The following UGT1A7 variants were observed in gnomAD, a reference collection of about 807,000 sequenced individuals.
UGT1A7 encodes the protein UDP glucuronosyltransferase family 1 member A7, also known as UDP-glucuronosyltransferase 1A7.
Under a neutral mutation model 45.6 loss-of-function variants are expected in UGT1A7, and 33 were observed. The ratio of observed to expected loss-of-function variants is 0.72; its 90% CI spans 0.55 to 0.97. UGT1A7 has a LOEUF of 0.97. UGT1A7 is among the 50% of genes least tolerant of loss of function. UGT1A7 has a pLI of 0.00. For missense variants in UGT1A7, 684 were observed against 666.2 expected (o/e 1.03, Z -0.29); for synonymous variants, 274 against 250.6 (o/e 1.09, Z -0.88).
At chr2:233,719,514 G>C (rs1307171724) in intron 1 of UGT1A7, 1 of 1,613,804 alleles carries the variant, frequency 6.2e-7, no homozygotes, top group Non-Finnish European at 8.5e-7. Context: ...TGCCCCTTAT[G>C]CAAGTCTTGC....
At chr2:233,714,881 T>G (rs1441745966) in intron 1 of UGT1A7, among the ~76,000 whole-genome samples, 1 of 150,308 alleles carries the variant, frequency 6.7e-6, no homozygotes, top group East Asian at 2.0e-4. Flanking sequence ...ATCTTTTAAA[T>G]TTTTCTATCT....
At chr2:233,693,126 G>A (rs1417755680) in intron 1 of UGT1A7, 9 of 1,614,224 alleles carry the variant, frequency 5.6e-6, no homozygotes, top group South Asian at 3.3e-5. Context: ...CACTGGCTTA[G>A]TATGAAGGAT....
At chr2:233,743,214 G>A (rs1433363859) in intron 1 of UGT1A7, 1 of 406,842 alleles carries the variant, frequency 2.5e-6, no homozygotes, top group Non-Finnish European at 4.9e-6. Flanking sequence ...CGGAGTAACT[G>A]CTCTTTGCTA....
chr2:233,736,069 TTGGGAAGTTCTCC>T (rs1429776969), intron 1 of UGT1A7, among the ~76,000 whole-genome samples: 1 of 152,194 alleles, frequency 6.6e-6, no homozygotes, highest in African/African-American at 2.4e-5. Flanking sequence ...CTTGCTAGGT[TTGGGAAGTTCTCC>T]TGGATAATAT....
chr2:233,719,056 C>G, intron 1 of UGT1A7: 1 of 1,614,284 alleles, frequency 6.2e-7, no homozygotes, highest in Middle Eastern at 1.6e-4. Context: ...ACCCTGACAG[C>G]CTATGCTGTT....
At chr2:233,708,938 C>T (rs1169885161) in intron 1 of UGT1A7, among the ~76,000 whole-genome samples, 1 of 152,136 alleles carries the variant, frequency 6.6e-6, no homozygotes, top group African/African-American at 2.4e-5. Context: ...AACTATGTCA[C>T]CAGAACCCAT....
At chr2:233,683,174 TA>T (rs767709977) in intron 1 of UGT1A7, among the ~76,000 whole-genome samples, 1 of 152,202 alleles carries the variant, frequency 6.6e-6, no homozygotes, top group Non-Finnish European at 1.5e-5. Context: ...TTATACTATG[TA>T]TATGCATATA....
At chr2:233,743,042 G>GTT in intron 1 of UGT1A7, 1 of 311,812 alleles carries the variant, frequency 3.2e-6, no homozygotes, top group Non-Finnish European at 6.3e-6. Context: ...GGTCCTATCC[G>GTT]TGTAGTCCCA....
rs373107890 is a variant in UGT1A7 at position 233,743,700 on chromosome 2, C to T, written c.856-23334C>T. On this transcript the variant is annotated intron_variant, in intron 1 of 4. Transcript: ENST00000373426. ...CTGCCGCCTGTGCAGCCGCCCTCCG[C>T]CCCCGCCTCGCCATAGCGGTCATAG... is the stretch of plus-strand genomic sequence containing the variant. 182 of 1,367,322 alleles carry T rather than the reference C, an allele frequency of 1.3e-4. 1 individual carries two copies. The highest frequency in any genetic ancestry group is 1.8e-4 in the Non-Finnish European group (179 of 1,021,848). 84.7% of individuals were successfully genotyped at this position (1,367,322 alleles called of 1,614,324 possible).
intron 1 of UGT1A7, among the ~76,000 whole-genome samples, chr2:233,687,294 AG>A (rs1476056619): frequency 6.6e-6 from 1 of 152,206 alleles, no homozygotes; most frequent in African/African-American, 2.4e-5. Context: ...CAACATGGTG[AG>A]ATATCAATGT....
At chr2:233,754,838 G>A (rs1298035120) in intron 1 of UGT1A7, 8 of 1,343,666 alleles carry the variant, frequency 6.0e-6, no homozygotes, top group South Asian at 1.1e-5. Context: ...GAAATTCACT[G>A]AAGGCAGAGA....
At chr2:233,747,282 GC>G in intron 1 of UGT1A7, 1 of 1,600,800 alleles carries the variant, frequency 6.2e-7, no homozygotes, top group Non-Finnish European at 8.5e-7. Context: ...TCAGTGCCCA[GC>G]CCTGGGCTGA....
In UGT1A7 at chr2:233,684,602, A is replaced by G. The variant is rs556392560; in HGVS notation, c.855+1810A>G. Among the ~76,000 whole-genome samples, 140 of 152,310 alleles carry G rather than the reference A, an allele frequency of 9.2e-4. 1 individual carries two copies. Among genetic ancestry groups the G allele is most frequent in the African/African-American group, 3.3e-3 (136 of 41,578 alleles). Reference sequence around the variant, plus strand: ...CATTGAGCCATATATAGTTTTACATATTTTGGTTATTTGTATATCTTCAGT... The same window carrying G: ...CATTGAGCCATATATAGTTTTACATGTTTTGGTTATTTGTATATCTTCAGT... On this transcript the variant is annotated intron_variant, in intron 1 of 4. Transcript: ENST00000373426.
At chr2:233,706,314 T>C (rs1191867368) in intron 1 of UGT1A7, among the ~76,000 whole-genome samples, 1 of 152,208 alleles carries the variant, frequency 6.6e-6, no homozygotes, top group Non-Finnish European at 1.5e-5. Flanking sequence ...AGATAGTGCC[T>C]TTTGGAACTA....
At chr2:233,740,640 G>C (rs1049761331) in intron 1 of UGT1A7, 2 of 151,736 alleles carry the variant, frequency 1.3e-5, no homozygotes, top group Admixed American at 1.3e-4. Flanking sequence ...GCCTTTCCTT[G>C]CCCAGTGTAC....
At chr2:233,759,500 CTAA>C (rs1055153309) in intron 1 of UGT1A7, among the ~76,000 whole-genome samples, 11 of 152,162 alleles carry the variant, frequency 7.2e-5, no homozygotes, top group Non-Finnish European at 1.6e-4. Flanking sequence ...CAGGTTCACA[CTAA>C]TAAAGGCCTG....
chr2:233,700,253 C>T (rs2125582223), intron 1 of UGT1A7, among the ~76,000 whole-genome samples: 1 of 152,296 alleles, frequency 6.6e-6, no homozygotes, highest in South Asian at 2.1e-4. Context: ...CCCAAAATGC[C>T]AAGTCATTCT....
intron 1 of UGT1A7, among the ~76,000 whole-genome samples, chr2:233,734,913 T>G (rs1279998122): frequency 6.6e-6 from 1 of 152,224 alleles, no homozygotes; most frequent in Non-Finnish European, 1.5e-5. Context: ...TTACATTTGC[T>G]AAGGAGTGCT....
intron 1 of UGT1A7, among the ~76,000 whole-genome samples, chr2:233,704,643 A>G (rs2075801430): frequency 6.6e-6 from 1 of 152,104 alleles, no homozygotes; most frequent in Admixed American, 6.6e-5. Flanking sequence ...CTTTTTGCTT[A>G]TCATTTTTGG....
Sources: gnomAD v4.1 joint callset for allele counts (sites outside exome capture counted in the v4.1 genomes callset) on GRCh38, gnomAD v4.1.1 for gene constraint, MANE v1.5 for transcripts, NCBI Gene and HGNC (gene_info 2026-07-23, HGNC 2026-07-21) for gene names.